CES1: variants seen among roughly 807,000 people sequenced by gnomAD.
The protein encoded by CES1 is carboxylesterase 1.
A neutral mutation model predicts 53.0 loss-of-function variants in CES1; 50 were observed. The ratio of observed to expected loss-of-function variants is 0.94; its 90% CI spans 0.75 to 1.19. The LOEUF (loss-of-function observed/expected upper bound fraction) is 1.19. Among genes scored for constraint, CES1 ranks in the 50% most tolerant of loss-of-function variants. The pLI is 0.00. For synonymous variants in CES1, 202 were observed against 210.1 expected (o/e 0.96, Z 0.33); for missense variants, 534 against 538.0 (o/e 0.99, Z 0.07).
At position 55,810,551 on chromosome 16, in the gene CES1, A is replaced by T. The variant is rs1380644003; in HGVS notation, c.1284T>A (p.Gly428=). ...FLDLIADVMF[G]VPSVIVARNH... ...TCCGGGCCACAATCACAGATGGGAC[A>T]CCAAACATCACATCTGCTATCAAGT... Residue 428 remains glycine, a synonymous_variant, in exon 11 of 14, where the codon GGT becomes GGA. Coordinates refer to ENST00000360526, the MANE Select transcript of CES1 (RefSeq NM_001025195.2). The T allele has an allele frequency of 6.2e-6, 10 of 1,614,076 alleles. No individual in the cohort carries two copies. The highest frequency in any genetic ancestry group is 8.5e-6 in the Non-Finnish European group (10 of 1,180,038).
chr16:55,821,291 T>C, intron 5 of CES1, 77 bp downstream of exon 5: 3 of 1,569,138 alleles, frequency 1.9e-6, no homozygotes, highest in Non-Finnish European at 1.8e-6. Flanking sequence ...TATCCATAGC[T>C]GGATTGACAG....
chr16:55,824,795 A>G, intron 3 of CES1, among the ~76,000 whole-genome samples: 1 of 152,368 alleles, frequency 6.6e-6, no homozygotes, highest in Non-Finnish European at 1.5e-5. Context: ...TTGAGGAAAC[A>G]GAGGCTTAGA....
Position 55,826,076 on chromosome 16 carries a change from C to T in CES1, c.405+75G>A, listed in dbSNP as rs2032401550. The T allele has an allele frequency of 5.6e-6, 9 of 1,595,384 alleles. No homozygotes were observed. The South Asian group carries it at 7.7e-5, about 14-fold the overall frequency. On this transcript the variant is annotated intron_variant, in intron 3 of 13. Coordinates refer to ENST00000360526, the MANE Select transcript of CES1 (RefSeq NM_001025195.2). ...CAGCTCCCTCCCCAAGCTGCCTTCA[C>T]TCCCTTCCATTCTGCCCCAGAAGAT...
chr16:55,814,068 A>T (rs1430846667), intron 8 of CES1, among the ~76,000 whole-genome samples: 1 of 152,190 alleles, frequency 6.6e-6, no homozygotes, highest in Admixed American at 6.5e-5. Flanking sequence ...TTAATGAGGA[A>T]GAGATTATGC....
intron 11 of CES1, among the ~76,000 whole-genome samples, chr16:55,809,213 G>A (rs1375067143): frequency 1.3e-5 from 2 of 151,134 alleles, no homozygotes; most frequent in Admixed American, 6.6e-5. Flanking sequence ...TAGTTCAGAC[G>A]CAGAGCATAG....
chr16:55,813,601 G>A lies in CES1; in HGVS notation c.946-558C>T, dbSNP rs374806629. Among the ~76,000 whole-genome samples the A allele has an allele frequency of 4.0e-3, 603 of 152,042 alleles. 6 individuals carry two copies. The highest frequency in any genetic ancestry group is 0.014 in the African/African-American group (568 of 41,366). ...TCTATCACAGCCTCATGTATGAATC[G>A]GCCAATTTCCTTCTCCTTTTTCTGA... On this transcript the variant is annotated intron_variant, in intron 8 of 13. Transcript: ENST00000360526.
At chr16:55,822,740 A>G (rs1300250322) in intron 4 of CES1, among the ~76,000 whole-genome samples, 3 of 152,004 alleles carry the variant, frequency 2.0e-5, no homozygotes, top group Admixed American at 6.5e-5. Flanking sequence ...AGGAGGGAGG[A>G]CCAGGAAAGG....
rs190830701 is a variant in CES1, at chr16:55,815,575, C to A, written c.945+1349G>T. Among the ~76,000 whole-genome samples, 46 of 152,264 alleles carry A rather than the reference C, an allele frequency of 3.0e-4. No homozygotes were observed. The East Asian group carries it at 8.9e-3, about 29-fold the overall frequency. On this transcript the variant is annotated intron_variant, in intron 8 of 13. Coordinates refer to ENST00000360526, the MANE Select transcript of CES1 (RefSeq NM_001025195.2). ...TGTTGTGTCAGAAAACTCAGGGCGT[C>A]CTCCACTCCTCCCCGTTTCTTACCC... is the stretch of plus-strand genomic sequence containing the variant.
intron 5 of CES1, 142 bp downstream of exon 5, chr16:55,821,226 C>G: frequency 8.8e-7 from 1 of 1,130,716 alleles, no homozygotes; most frequent in Non-Finnish European, 1.3e-6. Context: ...TTTCTACCCC[C>G]TGATGCTGGG....
At chr16:55,812,232 ATTTATTTGTTTCCAACT>A (rs2031731217) in intron 9 of CES1, 1 of 154,030 alleles carries the variant, frequency 6.5e-6, no homozygotes, top group Admixed American at 6.4e-5. Flanking sequence ...TACTTTTTCC[ATTTATTTGTTTCCAACT>A]TTTATTTTAG....
Position 55,821,492 on chromosome 16 carries a change from C to A in CES1, c.569G>T (p.Trp190Leu), listed in dbSNP as rs373720580. The A allele has an allele frequency of 6.2e-7, 1 of 1,614,182 alleles. No homozygotes were observed. The highest frequency in any genetic ancestry group is 8.5e-7 in the Non-Finnish European group (1 of 1,180,030). Residue 190 changes from tryptophan (W) to leucine (L), a missense_variant, in exon 5 of 14, where the codon TGG becomes TTG. Coordinates refer to ENST00000360526, the MANE Select transcript of CES1 (RefSeq NM_001025195.2). ...STGDEHSRGN[W>L]GHLDQVAALR... ...GGCAGCCACCTGGTCCAGGTGACCC[C>A]AGTTCCCCCGGCTGTGTTCATCCCC...
intron 1 of CES1, among the ~76,000 whole-genome samples, chr16:55,829,274 A>G (rs1567508333): frequency 6.6e-6 from 1 of 152,254 alleles, no homozygotes. Flanking sequence ...CTCTGGAAAC[A>G]TTTATCCATT....
chr16:55,828,482 A>T (rs2032502547), intron 2 of CES1, among the ~76,000 whole-genome samples: 1 of 152,126 alleles, frequency 6.6e-6, no homozygotes, highest in African/African-American at 2.4e-5. Context: ...TATTGTTCTT[A>T]TCTGTCTCCC....
intron 11 of CES1, among the ~76,000 whole-genome samples, chr16:55,809,488 T>C (rs535526272): frequency 2.0e-5 from 3 of 152,374 alleles, no homozygotes; most frequent in South Asian, 2.1e-4. Context: ...AAAGGAATCC[T>C]GTGAATCTCC....
At chr16:55,815,359 C>A (rs557428780) in intron 8 of CES1, among the ~76,000 whole-genome samples, 3 of 152,258 alleles carry the variant, frequency 2.0e-5, no homozygotes, top group South Asian at 2.1e-4. Context: ...TTAAGGAAGG[C>A]CAGTCTGGCT....
At position 55,833,086 on chromosome 16, in the gene CES1, G is replaced by T. The variant is rs776218734; in HGVS notation, c.-31C>A. 45 of 1,540,728 alleles carry T rather than the reference G, an allele frequency of 2.9e-5. 2 individuals are homozygous for T. In the Admixed American group the frequency reaches 7.2e-4, roughly 25 times the overall value. ...AAGGGCGACAGTTCTCGGGGCCTGC[G>T]AGGTCTCTGTGCAGTTCAGAGGGAC... is the stretch of plus-strand genomic sequence containing the variant. On this transcript the variant is annotated 5_prime_UTR_variant, in exon 1 of 14. Coordinates refer to ENST00000360526, the MANE Select transcript of CES1 (RefSeq NM_001025195.2).
At chr16:55,827,274 T>TAGC (rs2032454920) in intron 2 of CES1, among the ~76,000 whole-genome samples, 1 of 114,718 alleles carries the variant, frequency 8.7e-6, no homozygotes, top group South Asian at 2.8e-4. Context: ...GCAAGAGGAA[T>TAGC]AACAATAATA....
intron 11 of CES1, among the ~76,000 whole-genome samples, chr16:55,808,418 T>A (rs2031531272): frequency 6.6e-6 from 1 of 152,280 alleles, no homozygotes. Flanking sequence ...ATGGAGGACA[T>A]GCAGATTAAA....
chr16:55,812,777 T>C (rs1965658), intron 9 of CES1, 126 bp downstream of exon 9: 932,975 of 1,333,118 alleles, frequency 0.7, 333,126 homozygotes, highest in Non-Finnish European at 0.75. Context: ...AAATGTTAAC[T>C]CCTGCTGAAG....
Sources: allele counts gnomAD v4.1 joint callset (sites outside exome capture counted in the v4.1 genomes callset), GRCh38; gene constraint gnomAD v4.1.1; transcripts MANE v1.5; gene names NCBI Gene and HGNC (gene_info 2026-07-23, HGNC 2026-07-21).